Variants in TPRG1 observed in about 807,000 individuals in gnomAD.
TPRG1 encodes tumor protein p63 regulated 1.
TPRG1 carries 29 observed loss-of-function variants against 29.3 expected under a neutral mutation model. The ratio of observed to expected loss-of-function variants is 0.99; its 90% CI spans 0.74 to 1.35. TPRG1 has a LOEUF of 1.35. Among genes scored for constraint, TPRG1 ranks in the 40% most tolerant of loss-of-function variants. The pLI, the probability that TPRG1 is intolerant of heterozygous loss-of-function variation, is 0.00. For synonymous variants in TPRG1, 130 were observed against 116.8 expected (o/e 1.11, Z -0.73); for missense variants, 327 against 335.0 (o/e 0.98, Z 0.19).
rs1277309991 is a variant in TPRG1, at chr3:189,016,020, T to A, written c.-659-7730T>A. 3.3e-5 allele frequency among the ~76,000 whole-genome samples: 5 copies of A among 152,084 alleles called. No homozygotes were observed. The East Asian group carries it at 9.7e-4, about 30-fold the overall frequency. On this transcript the variant is annotated intron_variant, in intron 3 of 10. Coordinates refer to the TPRG1 transcript ENST00000433971. The stretch of plus-strand genomic sequence containing the variant: ...GGCTACCATCCTCCAGACCCCAGAA[T>A]GGTAGATCCAATAACAGCTTGCACC...
intron 5 of TPRG1, among the ~76,000 whole-genome samples, chr3:189,161,828 G>T (rs140753566): frequency 8.5e-5 from 13 of 152,232 alleles, no homozygotes; most frequent in African/African-American, 2.6e-4. Flanking sequence ...AAAGGTAAAA[G>T]GATATGGAGG....
At chr3:189,311,647 G>T (rs1471204478) in intron 5 of TPRG1, among the ~76,000 whole-genome samples, 1 of 152,096 alleles carries the variant, frequency 6.6e-6, no homozygotes, top group Non-Finnish European at 1.5e-5. Context: ...TTCCTCTCAA[G>T]AATTATGCAA....
intron 5 of TPRG1, among the ~76,000 whole-genome samples, chr3:189,151,370 A>C (rs2108600624): frequency 6.6e-6 from 1 of 152,300 alleles, no homozygotes; most frequent in African/African-American, 2.4e-5. Flanking sequence ...CTTACTTCAT[A>C]ATCTAAGTAT....
intron 4 of TPRG1, among the ~76,000 whole-genome samples, chr3:189,297,464 A>G (rs1009151868): frequency 3.3e-5 from 5 of 152,018 alleles, no homozygotes; most frequent in Non-Finnish European, 5.9e-5. Context: ...ATATTTGCCA[A>G]TCCAGATCCC....
At chr3:189,173,942 T>C (rs1348700466) in intron 1 of TPRG1, among the ~76,000 whole-genome samples, 1 of 152,184 alleles carries the variant, frequency 6.6e-6, no homozygotes, top group Non-Finnish European at 1.5e-5. Flanking sequence ...ATTGACTTGG[T>C]TCTTCTGGAA....
chr3:189,235,102 T>C (rs913015135), intron 3 of TPRG1, among the ~76,000 whole-genome samples: 9 of 151,904 alleles, frequency 5.9e-5, no homozygotes, highest in Non-Finnish European at 8.8e-5. Context: ...AAGAAGTAGG[T>C]AGAGCTTGAC....
intron 5 of TPRG1, chr3:189,315,580 C>G: frequency 2.3e-6 from 1 of 442,488 alleles, no homozygotes; most frequent in Non-Finnish European, 4.5e-6. Context: ...CTACAACCAT[C>G]ATGATCTACA....
chr3:189,184,542 C>T (rs1730656418), intron 1 of TPRG1, among the ~76,000 whole-genome samples: 1 of 152,038 alleles, frequency 6.6e-6, no homozygotes, highest in Admixed American at 6.5e-5. Flanking sequence ...ATTTCTTTTT[C>T]CTTCTTTTGC....
chr3:189,150,717 C>T (rs1225693842), exon 5 of TPRG1: 2 of 152,088 alleles, frequency 1.3e-5, no homozygotes, highest in African/African-American at 4.8e-5. Flanking sequence ...TTCTCCGAGG[C>T]CAGATGGTCA....
intron 3 of TPRG1, chr3:189,217,947 C>T (rs192107700): frequency 1.0e-6 from 1 of 985,396 alleles, no homozygotes; most frequent in African/African-American, 1.7e-5. Flanking sequence ...ACTCCCCCAA[C>T]AGCAACCACA....
chr3:189,091,188 TC>T (rs1249889926), intron 4 of TPRG1, among the ~76,000 whole-genome samples: 1 of 152,116 alleles, frequency 6.6e-6, no homozygotes, highest in South Asian at 2.1e-4. Flanking sequence ...CTTTTTTCTT[TC>T]CACTTGTATT....
chr3:189,289,498 C>T (rs1415482803), intron 4 of TPRG1, among the ~76,000 whole-genome samples: 1 of 151,896 alleles, frequency 6.6e-6, no homozygotes, highest in Non-Finnish European at 1.5e-5. Flanking sequence ...AGACCTGCTG[C>T]CCCTGCTTAA....
In TPRG1 at chr3:189,141,361, C is replaced by CCATTCATT. The variant is rs3065345; in HGVS notation, c.-290-6202_-290-6195dup. Among the ~76,000 whole-genome samples the CCATTCATT allele has an allele frequency of 1.4e-3, 219 of 151,410 alleles. 2 individuals carry two copies. Among genetic ancestry groups the CCATTCATT allele is most frequent in the East Asian group, 6.3e-3 (32 of 5,098 alleles). On this transcript the variant is annotated intron_variant, in intron 3 of 6. Coordinates refer to the TPRG1 transcript ENST00000412373. ...GAAAATGGAGGGGAAGACATTCTAG[C>CCATTCATT]CATTCATTCATTCATTCATTCATTC...
intron 3 of TPRG1, among the ~76,000 whole-genome samples, chr3:189,225,212 T>C (rs1308627629): frequency 6.6e-6 from 1 of 152,220 alleles, no homozygotes; most frequent in Non-Finnish European, 1.5e-5. Flanking sequence ...ATTACAGGCG[T>C]GAGCCATCAC....
intron 1 of TPRG1, among the ~76,000 whole-genome samples, chr3:189,178,453 C>T (rs1021262329): frequency 8.5e-5 from 13 of 152,220 alleles, no homozygotes; most frequent in Middle Eastern, 3.4e-3. Flanking sequence ...TGCTTGAACC[C>T]GGGAGGCAGA....
chr3:189,206,592 C>A (rs1435120598), intron 1 of TPRG1, among the ~76,000 whole-genome samples: 1 of 151,460 alleles, frequency 6.6e-6, no homozygotes, highest in African/African-American at 2.4e-5. Flanking sequence ...CTTCCACTTC[C>A]TGTGCTCAGG....
chr3:189,123,920 C>T (rs1048228151), intron 1 of TPRG1, among the ~76,000 whole-genome samples: 3 of 152,136 alleles, frequency 2.0e-5, no homozygotes, highest in South Asian at 2.1e-4. Context: ...CGTGGCAGGC[C>T]CATCAAGGCT....
At chr3:189,269,930 G>A (rs1001626326) in intron 4 of TPRG1, among the ~76,000 whole-genome samples, 6 of 152,124 alleles carry the variant, frequency 3.9e-5, no homozygotes, top group African/African-American at 1.4e-4. Context: ...GAAACATGGA[G>A]GAAATGGAGC....
At chr3:189,106,999 A>AT (rs142295790) in intron 1 of TPRG1, among the ~76,000 whole-genome samples, 3,001 of 150,104 alleles carry the variant, frequency 0.02, 103 homozygotes, top group African/African-American at 0.067. Flanking sequence ...ACATAATGTG[A>AT]TTTTTTTTTT....
Sources: gnomAD v4.1 joint callset for allele counts (sites outside exome capture counted in the v4.1 genomes callset) on GRCh38, gnomAD v4.1.1 for gene constraint, MANE v1.5 for transcripts, NCBI Gene and HGNC (gene_info 2026-07-23, HGNC 2026-07-21) for gene names.